The following SEC61A2 variants were observed in gnomAD, a reference collection of about 807,000 sequenced individuals.
The protein encoded by SEC61A2 is protein transport protein Sec61 subunit alpha isoform 2.
In SEC61A2, 28 loss-of-function variants were observed where a neutral mutation model predicts 59.9. That is an observed-to-expected ratio of 0.47 (90% confidence interval 0.35 to 0.64). SEC61A2 has a LOEUF of 0.64. SEC61A2 is among the 30% of genes least tolerant of loss of function. SEC61A2 has a pLI of 0.01. For missense variants in SEC61A2, 340 were observed against 585.9 expected, an observed-to-expected ratio of 0.58 and a Z score of 4.33; for synonymous variants, 202 against 214.4, an observed-to-expected ratio of 0.94 and a Z score of 0.50.
rs1834559371 is a variant in SEC61A2 at position 12,162,721 on chromosome 10, AT to A, written c.1244+434del. Among the ~76,000 whole-genome samples the A allele has an allele frequency of 6.6e-6, 1 of 152,214 alleles. No homozygotes were observed. The highest frequency in any genetic ancestry group is 2.1e-4 in the South Asian group (1 of 4,822). On this transcript the variant is annotated intron_variant, in intron 11 of 11. Coordinates refer to ENST00000298428, the MANE Select transcript of SEC61A2 (RefSeq NM_018144.4). The surrounding 1 kb of genome is among the most constrained non-coding windows in gnomAD (Gnocchi z 6.1). ...TATATTGTTCAGTGTTTTTTAGTAT[AT>A]TCAGACTTGTACAGTCATAAGTTTA...
intron 2 of SEC61A2, among the ~76,000 whole-genome samples, chr10:12,134,489 C>G (rs1252793935): frequency 6.6e-6 from 1 of 152,182 alleles, no homozygotes; most frequent in African/African-American, 2.4e-5. Context: ...TTTGCTTTGG[C>G]TCCTTTTCAG....
At chr10:12,169,369 C>A (rs1014006946), downstream of SEC61A2, 6 of 1,338,262 alleles carry the variant, frequency 4.5e-6, no homozygotes, top group Non-Finnish European at 6.2e-6. The surrounding 1 kb of genome is among the most constrained non-coding windows in gnomAD (Gnocchi z 4.8). Context: ...CTACGTCACC[C>A]TGCTTTCCAC....
chr10:12,150,926 C>A (rs958086627), intron 6 of SEC61A2, among the ~76,000 whole-genome samples: 8 of 152,072 alleles, frequency 5.3e-5, no homozygotes, highest in Middle Eastern at 3.2e-3. Context: ...AGGTGCCTGC[C>A]ACCACGCCCA....
rs370039778 is a variant in SEC61A2 at position 12,160,882 on chromosome 10, CCTGA to C, written c.976-45_976-42del. ...GTTTGAAGTGACATGCAAATGTATT[CCTGA>C]CTAATTAGGTTGACCACTTGTTCTT... is the stretch of plus-strand genomic sequence containing the variant. On this transcript the variant is annotated intron_variant, in intron 9 of 11. Transcript: ENST00000298428. The surrounding 1 kb of genome is among the most constrained non-coding windows in gnomAD (Gnocchi z 4.1). 1,088 of 1,491,000 alleles carry C rather than the reference CCTGA, an allele frequency of 7.3e-4. 5 individuals carry two copies. The African/African-American group carries it at 0.012, about 17-fold the overall frequency. 92.4% of individuals were successfully genotyped at this position (1,491,000 alleles called of 1,614,324 possible).
At chr10:12,146,722 G>A (rs1304370618) in intron 4 of SEC61A2, among the ~76,000 whole-genome samples, 1 of 151,772 alleles carries the variant, frequency 6.6e-6, no homozygotes, top group East Asian at 2.0e-4. Flanking sequence ...GTTTCACCAT[G>A]TTAGCCAGGA....
chr10:12,165,827 A>ATAGT (rs1342905945), downstream of SEC61A2: 1 of 152,248 alleles, frequency 6.6e-6, no homozygotes, highest in Non-Finnish European at 1.5e-5. Flanking sequence ...GGCAGGCAGG[A>ATAGT]TAGTGACAGT....
chr10:12,132,667 A>G (rs1833785392), intron 1 of SEC61A2, among the ~76,000 whole-genome samples: 1 of 150,120 alleles, frequency 6.7e-6, no homozygotes, highest in Non-Finnish European at 1.5e-5. Context: ...TTTTTTTGTC[A>G]CCTATGCATT....
downstream of SEC61A2, chr10:12,167,853 G>A (rs1169106952): frequency 1.9e-6 from 3 of 1,609,914 alleles, no homozygotes; most frequent in Non-Finnish European, 2.5e-6. Flanking sequence ...TGCCGTTAAG[G>A]AAGGACAAAA....
chr10:12,164,531 G>A lies in SEC61A2; in HGVS notation c.*77G>A, dbSNP rs1834617160. On this transcript the variant is annotated 3_prime_UTR_variant, in exon 12 of 12. Transcript: ENST00000298428. The surrounding 1 kb of genome is among the most constrained non-coding windows in gnomAD (Gnocchi z 7.3). The stretch of plus-strand genomic sequence containing the variant: ...TCGTTTTTGTCAGATGACACTGGTG[G>A]CTCCCCTTTTCTCCCCTCACAGTTT... The A allele has an allele frequency of 6.5e-7, 1 of 1,536,922 alleles. No homozygotes were observed. The highest frequency in any genetic ancestry group is 8.7e-7 in the Non-Finnish European group (1 of 1,145,386).
intron 3 of SEC61A2, among the ~76,000 whole-genome samples, chr10:12,139,074 A>G (rs904910364): frequency 2.0e-5 from 3 of 151,950 alleles, no homozygotes; most frequent in African/African-American, 4.8e-5. Flanking sequence ...CGATTCTCCT[A>G]TCTCAGCCTC....
chr10:12,151,257 CTCT>C (rs1028501322), intron 6 of SEC61A2, among the ~76,000 whole-genome samples: 6 of 150,426 alleles, frequency 4.0e-5, no homozygotes, highest in East Asian at 1.9e-4. Context: ...TTGGAAATGC[CTCT>C]TCTTCTTCAC....
intron 2 of SEC61A2, 29 bp from the exon 3 acceptor site, chr10:12,136,075 AT>A (rs765445233): frequency 3.3e-6 from 5 of 1,523,390 alleles, no homozygotes; most frequent in Non-Finnish European, 3.6e-6. Context: ...CTTGGTTTTG[AT>A]TGATGATTCT....
At chr10:12,167,753 T>C (rs6686), downstream of SEC61A2, 798,199 of 1,613,664 alleles carry the variant, frequency 0.49, 199,625 homozygotes, top group East Asian at 0.55. Flanking sequence ...CATGTTTCAG[T>C]GCTAGAGCGT....
At position 12,164,489 on chromosome 10, in the gene SEC61A2, G is replaced by A. The variant is rs1297785322; in HGVS notation, c.*35G>A. On this transcript the variant is annotated 3_prime_UTR_variant, in exon 12 of 12. Coordinates refer to ENST00000298428, the MANE Select transcript of SEC61A2 (RefSeq NM_018144.4). This position sits in a 1 kb window ranked among gnomAD's most constrained non-coding sequence, Gnocchi z 7.3. The stretch of plus-strand genomic sequence containing the variant: ...TATTTCATTTTGTGCGTGTGAAAGG[G>A]AAAACACTTTGACGGATCGTTTTTG... 1.9e-6 allele frequency: 3 copies of A among 1,599,916 alleles called. No individual in the cohort carries two copies. Among genetic ancestry groups the A allele is most frequent in the Non-Finnish European group, 2.6e-6 (3 of 1,172,366 alleles).
rs546482015 is a variant in SEC61A2, at chr10:12,159,017, G to A, written c.975+912G>A. Among the ~76,000 whole-genome samples, 9 of 144,792 alleles carry A rather than the reference G, an allele frequency of 6.2e-5. No individual in the cohort carries two copies. The East Asian group carries it at 8.3e-4, about 13-fold the overall frequency. The allele number at this position is 144,792 out of a possible 152,430, so 95.0% of individuals were successfully genotyped here. A position where few individuals can be genotyped will look rare whatever the true frequency, so the allele number is the denominator to read the frequency against. On this transcript the variant is annotated intron_variant, in intron 9 of 11. Transcript: ENST00000298428. ...TTTTGAGACGGAGTCTCGCTGTGTC[G>A]CCCAGGCTGGAGTGCAGTGGTACGA...
intron 3 of SEC61A2, among the ~76,000 whole-genome samples, chr10:12,137,481 G>A (rs1246386108): frequency 6.7e-6 from 1 of 149,620 alleles, no homozygotes; most frequent in Non-Finnish European, 1.5e-5. Context: ...ATTTCTTTTG[G>A]TATTGTAGAG....
In SEC61A2 at chr10:12,153,870, T is replaced by C. The variant is rs1046871756; in HGVS notation, c.463-1908T>C. ...AGGTATTTCTCACCTTATTTGTTTATGTTTCATTCACGTGGTTAGTGTTTT... is the reference window on the plus strand; with the variant it reads ...AGGTATTTCTCACCTTATTTGTTTACGTTTCATTCACGTGGTTAGTGTTTT... On this transcript the variant is annotated intron_variant, in intron 6 of 11. Coordinates refer to ENST00000298428, the MANE Select transcript of SEC61A2 (RefSeq NM_018144.4). This position sits in a 1 kb window ranked among gnomAD's most constrained non-coding sequence, Gnocchi z 5.2. 3 of 1,468,316 alleles carry C rather than the reference T, an allele frequency of 2.0e-6. No individual in the cohort carries two copies. The highest frequency in any genetic ancestry group is 1.8e-6 in the Non-Finnish European group (2 of 1,088,770). The allele number at this position is 1,468,316 out of a possible 1,614,324, so 91.0% of individuals were successfully genotyped here.
chr10:12,131,511 T>G (rs1285247292), intron 1 of SEC61A2, among the ~76,000 whole-genome samples: 1 of 152,062 alleles, frequency 6.6e-6, no homozygotes, highest in Non-Finnish European at 1.5e-5. Context: ...CCTTGATTTA[T>G]CTTACCTTTA....
chr10:12,132,328 T>C (rs1833770723), intron 1 of SEC61A2, among the ~76,000 whole-genome samples: 1 of 148,794 alleles, frequency 6.7e-6, no homozygotes, highest in Non-Finnish European at 1.5e-5. Context: ...CAGTTAACTA[T>C]AGGGGCCAGG....
Sources: allele counts gnomAD v4.1 joint callset (sites outside exome capture counted in the v4.1 genomes callset), GRCh38; gene constraint gnomAD v4.1.1; non-coding constraint Gnocchi (gnomAD v3.1); transcripts MANE v1.5; gene names NCBI Gene and HGNC (gene_info 2026-07-23, HGNC 2026-07-21).